Variants in NAV2 observed in about 807,000 individuals in gnomAD.
NAV2 encodes helicase, APC down-regulated 1.
A neutral mutation model predicts 223.2 loss-of-function variants in NAV2; 54 were observed. The ratio of observed to expected loss-of-function variants is 0.24; its 90% CI spans 0.19 to 0.30. The LOEUF is 0.30. NAV2 is among the 10% of genes least tolerant of loss of function. The pLI, the probability that NAV2 is intolerant of heterozygous loss-of-function variation, is 1.00. For synonymous variants in NAV2, 1,279 were observed against 1,239.3 expected (o/e 1.03, Z -0.67); for missense variants, 2,806 against 3,147.5 (o/e 0.89, Z 2.60).
At chr11:19,903,475 A>G (rs1341760864) in intron 6 of NAV2, among the ~76,000 whole-genome samples, 2 of 152,180 alleles carry the variant, frequency 1.3e-5, no homozygotes, top group East Asian at 1.9e-4. Context: ...ATGGAAATCA[A>G]TGGCCTGGCC....
chr11:19,946,680 A>G (rs1256879949), intron 9 of NAV2, among the ~76,000 whole-genome samples, 171 bp downstream of exon 9: 1 of 152,212 alleles, frequency 6.6e-6, no homozygotes, highest in African/African-American at 2.4e-5. Flanking sequence ...AGTTATAGGA[A>G]ATAAAAAATT....
At chr11:19,700,325 AC>A (rs1186953801) in intron 1 of NAV2, among the ~76,000 whole-genome samples, 1 of 152,180 alleles carries the variant, frequency 6.6e-6, no homozygotes, top group Non-Finnish European at 1.5e-5. Flanking sequence ...CACAGTTCGG[AC>A]CCATGCAGTC....
rs1162910826 is a variant in NAV2, at chr11:19,755,197, T to A, written c.267+41235T>A. 2.6e-5 allele frequency among the ~76,000 whole-genome samples: 4 copies of A among 152,240 alleles called. No homozygotes were observed. The East Asian group carries it at 5.8e-4, about 22-fold the overall frequency. ...CTGTTGTTACGTGTACATTTTCACATTCAACTCACCACAACAGTCCTTCTA... is the reference window on the plus strand; with the variant it reads ...CTGTTGTTACGTGTACATTTTCACAATCAACTCACCACAACAGTCCTTCTA... On this transcript the variant is annotated intron_variant, in intron 1 of 37. Transcript: ENST00000349880.
At chr11:19,403,520 G>C (rs1849771221) in intron 1 of NAV2, among the ~76,000 whole-genome samples, 1 of 152,200 alleles carries the variant, frequency 6.6e-6, no homozygotes. Context: ...GGAACAACTT[G>C]TTCAAAGATA....
intron 1 of NAV2, among the ~76,000 whole-genome samples, chr11:19,449,465 C>T (rs890845865): frequency 1.2e-4 from 18 of 152,060 alleles, no homozygotes; most frequent in Non-Finnish European, 2.4e-4. Flanking sequence ...GCATTGGTAC[C>T]AACCCCACAG....
chr11:19,615,968 C>T (rs925579623), intron 1 of NAV2, among the ~76,000 whole-genome samples: 3 of 152,140 alleles, frequency 2.0e-5, no homozygotes, highest in Admixed American at 2.0e-4. Context: ...AGAGCGCTGC[C>T]TCCCCATCAT....
intron 1 of NAV2, among the ~76,000 whole-genome samples, chr11:19,555,057 A>C (rs1352158673): frequency 6.6e-6 from 1 of 151,712 alleles, no homozygotes; most frequent in East Asian, 1.9e-4. Flanking sequence ...GTATGTTGTA[A>C]TAATTTATTC....
chr11:19,615,476 G>A (rs2046764846), intron 1 of NAV2, among the ~76,000 whole-genome samples: 1 of 151,514 alleles, frequency 6.6e-6, no homozygotes, highest in African/African-American at 2.4e-5. Flanking sequence ...GTTTATTATT[G>A]TTACTAAAAA....
At chr11:19,795,387 TTTAC>T (rs1309377575) in intron 1 of NAV2, among the ~76,000 whole-genome samples, 1 of 152,250 alleles carries the variant, frequency 6.6e-6, no homozygotes, top group Non-Finnish European at 1.5e-5. Flanking sequence ...ATGTCCCTTA[TTTAC>T]TTGTTTCCTT....
At chr11:20,072,541 A>G (rs1035616747) in intron 22 of NAV2, among the ~76,000 whole-genome samples, 10 of 152,164 alleles carry the variant, frequency 6.6e-5, no homozygotes, top group Admixed American at 2.0e-4. Context: ...GGCCATTTTC[A>G]TGATATTGAT....
In NAV2 at chr11:19,933,461, A is replaced by T. The variant is rs748500174; in HGVS notation, c.1217A>T (p.Lys406Ile). The T allele has an allele frequency of 1.9e-6, 3 of 1,606,146 alleles. No homozygotes were observed. The highest frequency in any genetic ancestry group is 1.7e-6 in the Non-Finnish European group (2 of 1,176,520). Residue 406 changes from lysine to isoleucine, a missense_variant, in exon 7 of 38, where the codon AAA becomes ATA. Transcript: ENST00000349880. The surrounding 1 kb of genome is among the most constrained non-coding windows in gnomAD (Gnocchi z 4.3). ...NNQKSMLEKL[K>I]LFNSKGGSKA... The stretch of plus-strand genomic sequence containing the variant: ...CAGAAGTCCATGCTGGAAAAGCTGA[A>T]ACTTTTCAACAGTAAAGGGGGCTCA...
chr11:19,508,302 T>C (rs1425884647), intron 1 of NAV2, among the ~76,000 whole-genome samples: 1 of 152,134 alleles, frequency 6.6e-6, no homozygotes, highest in African/African-American at 2.4e-5. Flanking sequence ...ACTCATTGAC[T>C]ATCCACTCTA....
chr11:19,653,220 A>C (rs2048020265), intron 1 of NAV2, among the ~76,000 whole-genome samples: 1 of 152,196 alleles, frequency 6.6e-6, no homozygotes. Context: ...GCTCTTGTTA[A>C]TGTTTCATGA....
intron 17 of NAV2, 22 bp from the exon 18 acceptor site, chr11:20,054,058 G>A (rs370118292): frequency 2.7e-5 from 44 of 1,609,344 alleles, no homozygotes; most frequent in Admixed American, 1.0e-4. Context: ...AGTTAATTCC[G>A]GCTTGATTTC....
chr11:19,602,171 G>A (rs1003824226), intron 1 of NAV2, among the ~76,000 whole-genome samples: 20 of 141,434 alleles, frequency 1.4e-4, no homozygotes, highest in East Asian at 1.2e-3. Flanking sequence ...ATCTCTACAA[G>A]TCTTTTTTTT....
At chr11:19,693,794 G>T (rs1335711787) in intron 1 of NAV2, among the ~76,000 whole-genome samples, 1 of 152,186 alleles carries the variant, frequency 6.6e-6, no homozygotes. Context: ...AGGAAGGATA[G>T]AACATGGAAG....
chr11:19,792,864 G>A (rs1480894637), intron 1 of NAV2, among the ~76,000 whole-genome samples: 3 of 151,792 alleles, frequency 2.0e-5, no homozygotes, highest in Admixed American at 1.3e-4. Context: ...TGGAGGGAAG[G>A]CAGTGGAAGA....
intron 27 of NAV2, 94 bp downstream of exon 27, chr11:20,091,112 T>A: frequency 7.4e-7 from 1 of 1,347,700 alleles, no homozygotes; most frequent in Non-Finnish European, 1.0e-6. Flanking sequence ...TGCATCAGAA[T>A]CTGGTGGCGG....
At chr11:20,090,793 A>C (rs988467963) in intron 26 of NAV2, 72 bp from the exon 27 acceptor site, 1 of 1,504,916 alleles carries the variant, frequency 6.6e-7, no homozygotes, top group Admixed American at 1.8e-5. Flanking sequence ...AAACCTGATG[A>C]TTGATGTGGA....
Sources: allele counts gnomAD v4.1 joint callset (sites outside exome capture counted in the v4.1 genomes callset), GRCh38; gene constraint gnomAD v4.1.1; non-coding constraint Gnocchi (gnomAD v3.1); transcripts MANE v1.5; gene names NCBI Gene and HGNC (gene_info 2026-07-23, HGNC 2026-07-21).